The following EPB41L4B variants were observed in gnomAD, a reference collection of about 807,000 sequenced individuals.
EPB41L4B encodes the protein band 4.1-like protein 4B.
A neutral mutation model predicts 112.5 loss-of-function variants in EPB41L4B; 30 were observed. That is an observed-to-expected ratio of 0.27 (90% CI 0.20 to 0.36). The LOEUF is 0.36. Among genes scored for constraint, EPB41L4B ranks in the 10% least tolerant of loss-of-function variants. The pLI, the probability that EPB41L4B is intolerant of heterozygous loss-of-function variation, is 1.00. For synonymous variants in EPB41L4B, 408 were observed against 439.7 expected (o/e 0.93, Z 0.90); for missense variants, 1,024 against 1,133.3 (o/e 0.90, Z 1.38).
chr9:109,226,653 AAT>A (rs1203207748), intron 15 of EPB41L4B, among the ~76,000 whole-genome samples: 20 of 109,962 alleles, frequency 1.8e-4, no homozygotes, highest in South Asian at 1.0e-3. Context: ...ATATATGAAG[AAT>A]ATATATATGA....
chr9:109,231,219 G>T (rs1196602154), intron 15 of EPB41L4B, among the ~76,000 whole-genome samples: 4 of 150,306 alleles, frequency 2.7e-5, no homozygotes, highest in Non-Finnish European at 5.9e-5. Flanking sequence ...CCTTTATAGA[G>T]ACTAATTGGC....
chr9:109,182,701 T>C lies in EPB41L4B; in HGVS notation c.2487+28A>G, dbSNP rs984742687. The C allele has an allele frequency of 1.9e-6, 3 of 1,564,934 alleles. No individual in the cohort carries two copies. In the African/African-American group the frequency reaches 4.1e-5, roughly 21 times the overall value. On this transcript the variant is annotated intron_variant, in intron 24 of 25. Transcript: ENST00000374566. ...ACCGCATGGGAACAAGGGTTTAAAA[T>C]GCACATCTGTTTTCTGGATCTACTT...
chr9:109,264,979 C>A lies in EPB41L4B; in HGVS notation c.578+1G>T. On this transcript the variant is annotated splice_donor_variant, in intron 5 of 25. Transcript: ENST00000374566. LOFTEE classifies it high-confidence loss of function. Reference sequence around the variant, plus strand: ...AAGAGTTAGAACAAAAACATACTTACTTTCCAGAAAGAATGTCATGCCTGA... The same window carrying A: ...AAGAGTTAGAACAAAAACATACTTAATTTCCAGAAAGAATGTCATGCCTGA... 1 of 1,605,584 alleles carries A rather than the reference C, an allele frequency of 6.2e-7. No homozygotes were observed. Among genetic ancestry groups the A allele is most frequent in the Non-Finnish European group, 8.5e-7 (1 of 1,177,810 alleles).
chr9:109,318,264 CAG>C (rs937673209), intron 1 of EPB41L4B, among the ~76,000 whole-genome samples: 4 of 152,154 alleles, frequency 2.6e-5, no homozygotes, highest in African/African-American at 4.8e-5. Context: ...ATACCTGGGA[CAG>C]GGGAATTCTT....
chr9:109,232,074 C>A (rs1833969388), intron 15 of EPB41L4B, among the ~76,000 whole-genome samples: 1 of 152,026 alleles, frequency 6.6e-6, no homozygotes, highest in Non-Finnish European at 1.5e-5. Flanking sequence ...TCACTGCAAC[C>A]TCTGCCTCCC....
chr9:109,320,366 G>T lies in EPB41L4B; in HGVS notation c.81C>A (p.Ala27=). The part of the protein sequence containing the change: ...YARGAAGRGA[A]GLGDERDGGP... ...CCCCATCGCGCTCGTCCCCCAGCCC[G>T]GCGGCCCCGCGCCCCGCCGCGCCCC... Residue 27 remains alanine (A), a synonymous_variant, in exon 1 of 26, where the codon GCC becomes GCA. Coordinates refer to ENST00000374566, the MANE Select transcript of EPB41L4B (RefSeq NM_019114.5). 1.0e-6 allele frequency: 1 copy of T among 981,452 alleles called. No homozygotes were observed. Among genetic ancestry groups the T allele is most frequent in the Non-Finnish European group, 1.2e-6 (1 of 828,838 alleles). The allele number at this position is 981,452 out of a possible 1,614,324, so 60.8% of individuals were successfully genotyped here.
intron 18 of EPB41L4B, among the ~76,000 whole-genome samples, chr9:109,207,525 T>G (rs1273375281): frequency 1.3e-5 from 2 of 151,454 alleles, no homozygotes; most frequent in African/African-American, 4.9e-5. Context: ...TGAGCCATGA[T>G]CCCACCACTG....
Position 109,176,621 on chromosome 9 carries a change from G to C in EPB41L4B, c.2563C>G (p.Pro855Ala), listed in dbSNP as rs754880969. The change falls in exon 25 of 26, where the codon CCT becomes GCT. Residue 855 changes from proline to alanine, a missense_variant. Coordinates refer to ENST00000374566, the MANE Select transcript of EPB41L4B (RefSeq NM_019114.5). ...SPLIPAATLR[P>A]LTETVSTVQT... ...ACTGTGGAGACGGTCTCTGTCAAAG[G>C]CCTCAGGGTCGCTGCTGGGATCAGC... The C allele has an allele frequency of 2.5e-6, 4 of 1,614,030 alleles. No individual in the cohort carries two copies. Among genetic ancestry groups the C allele is most frequent in the Non-Finnish European group, 3.4e-6 (4 of 1,179,980 alleles).
At chr9:109,307,570 T>C (rs1837259080) in intron 1 of EPB41L4B, among the ~76,000 whole-genome samples, 1 of 152,168 alleles carries the variant, frequency 6.6e-6, no homozygotes, top group Admixed American at 6.5e-5. Flanking sequence ...CAATACAGAT[T>C]GTAACCGACT....
chr9:109,190,268 A>G (rs1832414883), intron 22 of EPB41L4B, among the ~76,000 whole-genome samples: 1 of 152,194 alleles, frequency 6.6e-6, no homozygotes, highest in South Asian at 2.1e-4. Context: ...TAAGCTTGGG[A>G]AATGACTACA....
At chr9:109,238,775 G>C (rs980712092) in intron 15 of EPB41L4B, among the ~76,000 whole-genome samples, 2 of 152,206 alleles carry the variant, frequency 1.3e-5, no homozygotes, top group African/African-American at 2.4e-5. Context: ...CAGACATTGA[G>C]CAGGAGTTAG....
intron 18 of EPB41L4B, among the ~76,000 whole-genome samples, chr9:109,204,284 G>T (rs1832924400): frequency 6.6e-6 from 1 of 151,918 alleles, no homozygotes; most frequent in African/African-American, 2.4e-5. Context: ...CAGGCCAGCT[G>T]ACCACACACT....
intron 13 of EPB41L4B, 118 bp downstream of exon 13, chr9:109,251,363 A>G (rs932331953): frequency 1.2e-5 from 12 of 984,790 alleles, no homozygotes; most frequent in African/African-American, 3.2e-5. Context: ...GAAAAAGGGG[A>G]AAAAAATTAC....
intron 14 of EPB41L4B, among the ~76,000 whole-genome samples, chr9:109,246,506 A>C (rs1265220319): frequency 6.6e-6 from 1 of 152,252 alleles, no homozygotes; most frequent in Admixed American, 6.5e-5. Flanking sequence ...TAGGAAGCAA[A>C]GGAATTCCAG....
chr9:109,312,157 A>T (rs1564338746), intron 1 of EPB41L4B, among the ~76,000 whole-genome samples: 1 of 152,218 alleles, frequency 6.6e-6, no homozygotes, highest in Non-Finnish European at 1.5e-5. Flanking sequence ...AAAAGAAAAA[A>T]ATGTTTTAAA....
chr9:109,212,516 T>C (rs1588140296), intron 17 of EPB41L4B, among the ~76,000 whole-genome samples: 1 of 152,178 alleles, frequency 6.6e-6, no homozygotes, highest in Non-Finnish European at 1.5e-5. Flanking sequence ...AAACCTGCAG[T>C]TGGGGTCCAT....
At chr9:109,313,748 T>C (rs1837511407) in intron 1 of EPB41L4B, among the ~76,000 whole-genome samples, 1 of 152,122 alleles carries the variant, frequency 6.6e-6, no homozygotes, top group Non-Finnish European at 1.5e-5. Context: ...CCAGGAAATG[T>C]AGAGAGGAGA....
At chr9:109,216,888 C>T (rs990383781) in intron 16 of EPB41L4B, 34 bp downstream of exon 16, 7 of 1,602,498 alleles carry the variant, frequency 4.4e-6, no homozygotes, top group African/African-American at 4.0e-5. Context: ...ATTGCTCCCC[C>T]TTCTCCTGCC....
rs1834103249 is a variant in EPB41L4B at position 109,235,390 on chromosome 9, C to CCTTTT, written c.1409+8227_1409+8228insAAAAG. Among the ~76,000 whole-genome samples the CCTTTT allele has an allele frequency of 8.0e-5, 7 of 87,252 alleles. No individual in the cohort carries two copies. The South Asian group carries it at 3.3e-3, about 42-fold the overall frequency. 57.2% of individuals were successfully genotyped at this position (87,252 alleles called of 152,430 possible). Reference sequence around the variant, plus strand: ...TAGAAATACCATTTCTTCAGCTAGACTTTTTTTTTTTTTTTTTTTTTTTTA... The same window carrying CCTTTT: ...TAGAAATACCATTTCTTCAGCTAGACCTTTTTTTTTTTTTTTTTTTTTTTTTTTTA... On this transcript the variant is annotated intron_variant, in intron 15 of 25. Transcript: ENST00000374566.
Sources: allele counts gnomAD v4.1 joint callset (sites outside exome capture counted in the v4.1 genomes callset), GRCh38; gene constraint gnomAD v4.1.1; transcripts MANE v1.5; gene names NCBI Gene and HGNC (gene_info 2026-07-23, HGNC 2026-07-21).